DAAM2: variants seen among roughly 807,000 people sequenced by gnomAD.
The protein encoded by DAAM2 is disheveled-associated activator of morphogenesis 2.
In DAAM2, 39 loss-of-function variants were observed where a neutral mutation model predicts 120.7. That is an observed-to-expected ratio of 0.32 (90% CI 0.25 to 0.42). The LOEUF is 0.42. Among genes scored for constraint, DAAM2 ranks in the 10% least tolerant of loss-of-function variants. The probability of loss-of-function intolerance (pLI) is 1.00; values close to 1 mark genes in which losing one functional copy is unlikely to be tolerated. For synonymous variants in DAAM2, 488 were observed against 524.9 expected (o/e 0.93, Z 0.96); for missense variants, 1,283 against 1,401.7 (o/e 0.92, Z 1.35).
intron 1 of DAAM2, among the ~76,000 whole-genome samples, chr6:39,802,398 C>T (rs1761890367): frequency 1.3e-5 from 2 of 152,176 alleles, no homozygotes; most frequent in Non-Finnish European, 1.5e-5. Flanking sequence ...GTTTCCTCAT[C>T]TGCAAAGCAG....
chr6:39,871,604 T>G (rs1403280741), intron 9 of DAAM2, 32 bp downstream of exon 9: 2 of 1,543,300 alleles, frequency 1.3e-6, no homozygotes, highest in Non-Finnish European at 1.8e-6. Flanking sequence ...GCGATTGCAA[T>G]GGGGTAGTAG....
At position 39,867,372 on chromosome 6, in the gene DAAM2, G is replaced by A. The variant is rs897939064; in HGVS notation, c.429-138G>A. ...AAGATGATAGGATTTCACTGCTTTA[G>A]ATAAACTACGAATAAACCAAGTGGC... On this transcript the variant is annotated intron_variant, in intron 5 of 24. Coordinates refer to ENST00000274867, the MANE Select transcript of DAAM2 (RefSeq NM_001201427.2). The A allele has an allele frequency of 3.0e-5, 22 of 724,540 alleles. No homozygotes were observed. The African/African-American group carries it at 3.5e-4, about 12-fold the overall frequency. 44.9% of individuals were successfully genotyped at this position (724,540 alleles called of 1,614,324 possible).
intron 10 of DAAM2, among the ~76,000 whole-genome samples, chr6:39,874,985 G>A (rs979132155): frequency 1.3e-5 from 2 of 152,148 alleles, no homozygotes; most frequent in Non-Finnish European, 2.9e-5. Context: ...TTTGGAGCAG[G>A]TGGTTTTTAT....
intron 1 of DAAM2, among the ~76,000 whole-genome samples, chr6:39,832,726 C>A (rs888639749): frequency 2.0e-5 from 3 of 152,112 alleles, no homozygotes; most frequent in Non-Finnish European, 4.4e-5. Flanking sequence ...TTCCTGGTGA[C>A]CAGGGAAGGG....
At chr6:39,800,238 C>A (rs1240463670) in intron 1 of DAAM2, among the ~76,000 whole-genome samples, 1 of 152,128 alleles carries the variant, frequency 6.6e-6, no homozygotes, top group Admixed American at 6.5e-5. Flanking sequence ...GGCTCTTAGG[C>A]TGCGTGACGG....
At chr6:39,815,331 G>C (rs1292307857) in intron 1 of DAAM2, among the ~76,000 whole-genome samples, 1 of 152,162 alleles carries the variant, frequency 6.6e-6, no homozygotes, top group Non-Finnish European at 1.5e-5. Flanking sequence ...TGGTGGCCCA[G>C]AAATTAACAT....
chr6:39,794,312 G>A (rs1319463418), intron 1 of DAAM2, among the ~76,000 whole-genome samples: 1 of 152,162 alleles, frequency 6.6e-6, no homozygotes, highest in Non-Finnish European at 1.5e-5. Flanking sequence ...CATCTGTGCT[G>A]GGAACTCCAT....
At chr6:39,803,277 G>A (rs1761920289) in intron 1 of DAAM2, among the ~76,000 whole-genome samples, 1 of 152,184 alleles carries the variant, frequency 6.6e-6, no homozygotes, top group Non-Finnish European at 1.5e-5. Context: ...TAAATGAGTT[G>A]TGCCATGTTT....
intron 1 of DAAM2, among the ~76,000 whole-genome samples, chr6:39,802,974 T>G (rs1761911372): frequency 6.6e-6 from 1 of 152,174 alleles, no homozygotes; most frequent in African/African-American, 2.4e-5. Flanking sequence ...TGGGTGCTTA[T>G]TTGTGTCTGG....
Position 39,864,996 on chromosome 6 carries a change from C to G in DAAM2, c.350C>G (p.Ala117Gly), listed in dbSNP as rs574596379. 5 of 1,605,444 alleles carry G rather than the reference C, an allele frequency of 3.1e-6. No individual in the cohort carries two copies. The Admixed American group carries it at 8.5e-5, about 27-fold the overall frequency. The part of the protein sequence containing the change: ...NSMAAMQSLY[A>G]FDEEETEMRN... ...GGCCCTCAGATGCAGAGTCTGTACGCGTTTGATGAGGAGGAGACGGAGATG... is the reference window on the plus strand; with the variant it reads ...GGCCCTCAGATGCAGAGTCTGTACGGGTTTGATGAGGAGGAGACGGAGATG... The change falls in exon 5 of 25, where the codon GCG (alanine) becomes GGG (glycine). Residue 117 changes from alanine (A) to glycine (G), a missense_variant. By Grantham distance (60) the Ala-to-Gly change is moderately conservative. Around this residue, in one of 3 missense-constraint regions of DAAM2, gnomAD observed 197 missense variants for 189.3 expected, o/e 1.04. Coordinates refer to ENST00000274867, the MANE Select transcript of DAAM2 (RefSeq NM_001201427.2).
chr6:39,871,420 T>G, intron 8 of DAAM2, 86 bp from the exon 9 acceptor site: 2 of 1,251,666 alleles, frequency 1.6e-6, no homozygotes, highest in South Asian at 1.3e-5. Flanking sequence ...ATTTAGCCAG[T>G]GGGGGGCTCG....
chr6:39,898,422 T>C (rs1335172928), intron 21 of DAAM2, among the ~76,000 whole-genome samples: 1 of 152,222 alleles, frequency 6.6e-6, no homozygotes, highest in African/African-American at 2.4e-5. Flanking sequence ...CAACAGCATC[T>C]GCTAGGCAAG....
chr6:39,811,940 C>G lies in DAAM2; in HGVS notation c.-57+19475C>G, dbSNP rs528238038. Among the ~76,000 whole-genome samples the G allele has an allele frequency of 1.2e-4, 18 of 152,276 alleles. No homozygotes were observed. In the East Asian group the frequency reaches 3.5e-3, roughly 29 times the overall value. On this transcript the variant is annotated intron_variant, in intron 1 of 24. Coordinates refer to ENST00000274867, the MANE Select transcript of DAAM2 (RefSeq NM_001201427.2). ...GGGAACTGAGACTGAGGATGCAGGG[C>G]CCCTGTAGACCCTCTGTGATTTCAT...
At chr6:39,885,237 T>G (rs1402018917) in intron 15 of DAAM2, 2 of 152,280 alleles carry the variant, frequency 1.3e-5, no homozygotes, top group African/African-American at 2.4e-5. Context: ...TTAATTTAAA[T>G]GTGGGTGCCC....
chr6:39,821,718 G>C (rs1465077780), intron 1 of DAAM2: 1 of 152,262 alleles, frequency 6.6e-6, no homozygotes, highest in African/African-American at 2.4e-5. Flanking sequence ...CATAGCTGGA[G>C]CCTGGCCCAA....
chr6:39,903,788 C>G lies in DAAM2; in HGVS notation c.*1751C>G. ...ACAGGGTCGGTGAGCCCAGCATGTG[C>G]GTTGGTTTGAGGGGGCGGGCGGTGT... On this transcript the variant is annotated 3_prime_UTR_variant, in exon 25 of 25. Transcript: ENST00000274867. The G allele has an allele frequency of 5.3e-6, 1 of 188,658 alleles. No individual in the cohort carries two copies. The highest frequency in any genetic ancestry group is 1.1e-5 in the Non-Finnish European group (1 of 90,286). The allele number at this position is 188,658 out of a possible 1,614,324, so 11.7% of individuals were successfully genotyped here.
intron 1 of DAAM2, among the ~76,000 whole-genome samples, chr6:39,830,192 G>C (rs1762826896): frequency 1.3e-5 from 2 of 152,244 alleles, no homozygotes; most frequent in African/African-American, 4.8e-5. Flanking sequence ...ATGGGGCAAT[G>C]CTGGACTGCA....
chr6:39,835,826 G>A (rs1763081095), intron 1 of DAAM2, among the ~76,000 whole-genome samples: 1 of 152,182 alleles, frequency 6.6e-6, no homozygotes, highest in African/African-American at 2.4e-5. Flanking sequence ...GACTTGGAAG[G>A]GCCCTGTCTT....
chr6:39,888,747 A>G lies in DAAM2; in HGVS notation c.2129A>G (p.Lys710Arg). The change falls in exon 17 of 25, where the codon AAG (lysine) becomes AGG (arginine). Residue 710 changes from lysine to arginine, a missense_variant. This residue lies in a region of DAAM2 where 748 missense variants were observed against 768.6 expected (regional missense o/e 0.97). Transcript: ENST00000274867. ...ATGGATGAGCAGGAGGACCTTGCTA[A>G]GGACATGCTGGAGCAGGTGAGGACC... ...LKMDEQEDLA[K>R]DMLEQLLKFI... 3 of 1,612,854 alleles carry G rather than the reference A, an allele frequency of 1.9e-6. No individual in the cohort carries two copies. Among genetic ancestry groups the G allele is most frequent in the Non-Finnish European group, 2.5e-6 (3 of 1,179,364 alleles).
Sources: gnomAD v4.1 joint callset for allele counts (sites outside exome capture counted in the v4.1 genomes callset) on GRCh38, gnomAD v4.1.1 for gene constraint, gnomAD v4.1.1 regional missense constraint, MANE v1.5 for transcripts, NCBI Gene and HGNC (gene_info 2026-07-23, HGNC 2026-07-21) for gene names.